Variants in LMO7 observed in about 807,000 individuals in gnomAD.
The protein encoded by LMO7 is LIM domain 7.
LMO7 carries 120 observed loss-of-function variants against 206.5 expected under a neutral mutation model. The ratio of observed to expected loss-of-function variants is 0.58; its 90% CI spans 0.50 to 0.68. The LOEUF is 0.68. Among genes scored for constraint, LMO7 ranks in the 30% least tolerant of loss-of-function variants. LMO7 has a pLI of 0.00. For missense variants in LMO7, 1,959 were observed against 1,957.9 expected, an observed-to-expected ratio of 1.00 and a Z score of -0.01; for synonymous variants, 706 against 681.5, an observed-to-expected ratio of 1.04 and a Z score of -0.56.
chr13:75,783,428 A>G (rs2051873834), intron 4 of LMO7, among the ~76,000 whole-genome samples: 1 of 151,958 alleles, frequency 6.6e-6, no homozygotes, highest in African/African-American at 2.4e-5. Context: ...GGTTCAATTG[A>G]TCCTCCCACC....
intron 15 of LMO7, among the ~76,000 whole-genome samples, chr13:75,824,233 G>C (rs2057892454): frequency 6.6e-6 from 1 of 152,198 alleles, no homozygotes; most frequent in African/African-American, 2.4e-5. Flanking sequence ...TGCAGATCTA[G>C]TGTATATTTG....
chr13:75,671,000 T>C (rs1419164637), intron 1 of LMO7, among the ~76,000 whole-genome samples: 2 of 114,968 alleles, frequency 1.7e-5, no homozygotes, highest in Non-Finnish European at 4.0e-5. Context: ...TAAACTTTCT[T>C]GTTAAAAACC....
At chr13:75,712,066 G>A (rs1041986055) in intron 1 of LMO7, among the ~76,000 whole-genome samples, 2 of 152,132 alleles carry the variant, frequency 1.3e-5, no homozygotes, top group Non-Finnish European at 1.5e-5. Context: ...TAGCTGCAGC[G>A]ATGTTGGGCA....
At chr13:75,840,724 AGTATGAAGGGCACTCACTTAGGGG>A (rs2059497116) in intron 22 of LMO7, among the ~76,000 whole-genome samples, 3 of 152,256 alleles carry the variant, frequency 2.0e-5, no homozygotes, top group Admixed American at 6.5e-5. Context: ...GTTTTTGTAG[AGTATGAAGGGCACTCACTTAGGGG>A]GTGTGAAGTG....
chr13:75,801,887 C>T (rs765364546), intron 7 of LMO7, among the ~76,000 whole-genome samples: 1 of 152,150 alleles, frequency 6.6e-6, no homozygotes, highest in African/African-American at 2.4e-5. Context: ...ACAGCGAACA[C>T]ACATGTATTC....
intron 15 of LMO7, among the ~76,000 whole-genome samples, chr13:75,830,935 G>C (rs1046590704): frequency 2.3e-4 from 35 of 151,372 alleles, no homozygotes; most frequent in African/African-American, 8.2e-4. Context: ...TGATTTGTCT[G>C]TTTGTCTCTC....
chr13:75,713,255 A>G lies in LMO7; in HGVS notation c.140+3A>G. On this transcript the variant is annotated splice_donor_region_variant and intron_variant, in intron 2 of 30. Coordinates refer to ENST00000377534, the MANE Select transcript of LMO7 (RefSeq NM_001306080.2). ...GAAAATGGTGTTCTGCTGTGTGAGTAAGTATTTAAAGTATTTAAAAAATAA... is the reference window on the plus strand; with the variant it reads ...GAAAATGGTGTTCTGCTGTGTGAGTGAGTATTTAAAGTATTTAAAAAATAA... The G allele has an allele frequency of 6.3e-7, 1 of 1,581,162 alleles. No individual in the cohort carries two copies. Among genetic ancestry groups the G allele is most frequent in the Non-Finnish European group, 8.6e-7 (1 of 1,156,332 alleles).
chr13:75,626,587 A>T (rs879434220), intron 2 of LMO7, among the ~76,000 whole-genome samples: 19,387 of 96,056 alleles, frequency 0.2, 3,780 homozygotes, highest in East Asian at 0.53. Flanking sequence ...TTATATATAT[A>T]TATATAAATT....
chr13:75,725,796 TGAAAACAG>T (rs2138552241), intron 2 of LMO7, among the ~76,000 whole-genome samples: 1 of 152,190 alleles, frequency 6.6e-6, no homozygotes, highest in East Asian at 1.9e-4. Flanking sequence ...GTAGAAACCA[TGAAAACAG>T]GAAAACATCT....
intron 1 of LMO7, among the ~76,000 whole-genome samples, chr13:75,712,866 A>G (rs949804458): frequency 6.6e-6 from 1 of 152,210 alleles, no homozygotes; most frequent in South Asian, 2.1e-4. Context: ...ATAGGTTTTT[A>G]AAAAATATAT....
At chr13:75,842,561 G>A (rs1225681723) in intron 24 of LMO7, among the ~76,000 whole-genome samples, 1 of 152,096 alleles carries the variant, frequency 6.6e-6, no homozygotes, top group African/African-American at 2.4e-5. Context: ...GTGCTATAAA[G>A]TCAGTAAGTT....
intron 3 of LMO7, among the ~76,000 whole-genome samples, chr13:75,734,703 C>A (rs1045948266): frequency 6.6e-6 from 1 of 152,072 alleles, no homozygotes; most frequent in Non-Finnish European, 1.5e-5. Flanking sequence ...ACATAAAGTT[C>A]CCAGAGCAGC....
chr13:75,765,612 G>A (rs576625362), intron 4 of LMO7, among the ~76,000 whole-genome samples: 51 of 152,104 alleles, frequency 3.4e-4, no homozygotes, highest in African/African-American at 1.1e-3. Context: ...GGGTGGCTGA[G>A]GCTCTGTTTA....
intron 3 of LMO7, among the ~76,000 whole-genome samples, chr13:75,749,906 C>T (rs930457979): frequency 6.6e-5 from 10 of 150,886 alleles, no homozygotes; most frequent in Admixed American, 6.6e-4. Flanking sequence ...TGCTTATTTT[C>T]TTCACAAATA....
intron 6 of LMO7, 77 bp from the exon 7 acceptor site, chr13:75,800,607 A>G: frequency 7.4e-7 from 1 of 1,351,448 alleles, no homozygotes; most frequent in Admixed American, 1.9e-5. Flanking sequence ...TTAGGCAAAC[A>G]AGCAAGTAAT....
Position 75,819,411 on chromosome 13 carries a change from G to T in LMO7, c.2083G>T (p.Asp695Tyr). ...KWQDDLAKWK[D>Y]RRKSYTSDLQ... ...CTGTCAGGACCTTGCAAAATGGAAA[G>T]ATCGTCGAAAAAGTTACACTTCAGA... The change falls in exon 13 of 31, where the codon GAT becomes TAT. Residue 695 changes from aspartate to tyrosine, a missense_variant. By Grantham distance (160) the Asp-to-Tyr change is radical. Coordinates refer to ENST00000377534, the MANE Select transcript of LMO7 (RefSeq NM_001306080.2). 2 of 1,605,122 alleles carry T rather than the reference G, an allele frequency of 1.2e-6. No homozygotes were observed. Among genetic ancestry groups the T allele is most frequent in the Non-Finnish European group, 1.7e-6 (2 of 1,177,666 alleles).
At chr13:75,760,213 A>T (rs899920652) in intron 3 of LMO7, 1 of 208,994 alleles carries the variant, frequency 4.8e-6, no homozygotes, top group African/African-American at 2.4e-5. Context: ...TTGTGAATGG[A>T]GGATTTGGGT....
intron 4 of LMO7, among the ~76,000 whole-genome samples, chr13:75,769,482 T>TA (rs201838761): frequency 0.023 from 3,458 of 151,120 alleles, 132 homozygotes; most frequent in African/African-American, 0.078. Flanking sequence ...AACTTTTAAT[T>TA]AAAAAAAAAC....
At chr13:75,651,573 C>T (rs2037570770) in intron 1 of LMO7, among the ~76,000 whole-genome samples, 1 of 152,156 alleles carries the variant, frequency 6.6e-6, no homozygotes, top group Admixed American at 6.5e-5. Flanking sequence ...GCCGATCCAC[C>T]TGTCTCAGCC....
Sources: allele counts gnomAD v4.1 joint callset (sites outside exome capture counted in the v4.1 genomes callset), GRCh38; gene constraint gnomAD v4.1.1; transcripts MANE v1.5; gene names NCBI Gene and HGNC (gene_info 2026-07-23, HGNC 2026-07-21).